PROKR1: variants seen among roughly 807,000 people sequenced by gnomAD.
PROKR1 encodes prokineticin receptor 1.
Under a neutral mutation model 22.8 loss-of-function variants are expected in PROKR1, and 21 were observed. That is an observed-to-expected ratio of 0.92 (90% CI 0.65 to 1.32). The LOEUF is 1.32. PROKR1 is among the 40% of genes most tolerant of loss of function. The pLI is 0.00. For missense variants in PROKR1, 548 were observed against 514.2 expected (o/e 1.07, Z -0.64); for synonymous variants, 193 against 207.5 (o/e 0.93, Z 0.60).
At chr2:68,645,465 C>T (rs552143774) in intron 1 of PROKR1, among the ~76,000 whole-genome samples, 197 bp from the exon 2 acceptor site, 1 of 152,338 alleles carries the variant, frequency 6.6e-6, no homozygotes, top group South Asian at 2.1e-4. Flanking sequence ...GCTTGATTGT[C>T]TCTATAGCAA....
chr2:68,653,304 T>C (rs4627609), intron 2 of PROKR1, among the ~76,000 whole-genome samples: 68,818 of 151,976 alleles, frequency 0.45, 17,052 homozygotes, highest in African/African-American at 0.67. Flanking sequence ...CATCCTACTT[T>C]ATTTAACATC....
chr2:68,647,637 G>A (rs1182463370), intron 2 of PROKR1, among the ~76,000 whole-genome samples: 1 of 152,074 alleles, frequency 6.6e-6, no homozygotes, highest in Non-Finnish European at 1.5e-5. Context: ...AAAAAAGGGG[G>A]TTACCAAGGA....
intron 2 of PROKR1, among the ~76,000 whole-genome samples, chr2:68,651,887 C>G (rs1212769163): frequency 1.3e-5 from 2 of 152,196 alleles, no homozygotes; most frequent in Admixed American, 6.5e-5. Context: ...ACTGTAGTGG[C>G]AGACACACAG....
chr2:68,644,360 C>T (rs1479713791), intron 1 of PROKR1, among the ~76,000 whole-genome samples: 2 of 152,186 alleles, frequency 1.3e-5, no homozygotes, highest in South Asian at 2.1e-4. Flanking sequence ...GCCTGCCCCC[C>T]TCCTTCTTTT....
chr2:68,646,487 A>G (rs1001920466), intron 2 of PROKR1, among the ~76,000 whole-genome samples, 181 bp downstream of exon 2: 2 of 152,214 alleles, frequency 1.3e-5, no homozygotes, highest in African/African-American at 4.8e-5. Context: ...CTCCTTTTCC[A>G]GCTTTGTTCA....
In PROKR1 at chr2:68,645,660, A is replaced by T; in HGVS notation, c.-160-2A>T. 1.0e-6 allele frequency: 1 copy of T among 1,001,224 alleles called. No individual in the cohort carries two copies. Among genetic ancestry groups the T allele is most frequent in the Non-Finnish European group, 1.5e-6 (1 of 678,342 alleles). The allele number at this position is 1,001,224 out of a possible 1,614,324, so 62.0% of individuals were successfully genotyped here. On this transcript the variant is annotated splice_acceptor_variant, in intron 1 of 2. Coordinates refer to ENST00000303786, the MANE Select transcript of PROKR1 (RefSeq NM_138964.4). LOFTEE classifies it low-confidence loss of function (5UTR_SPLICE). Reference sequence around the variant, plus strand: ...AGCCAACTGTTTGTATGTCTTTCAAAGGTTTAGAATGGAGCTCAGATACCA... The same window carrying T: ...AGCCAACTGTTTGTATGTCTTTCAATGGTTTAGAATGGAGCTCAGATACCA...
At chr2:68,652,821 A>C (rs1673362884) in intron 2 of PROKR1, among the ~76,000 whole-genome samples, 1 of 152,204 alleles carries the variant, frequency 6.6e-6, no homozygotes, top group East Asian at 1.9e-4. Context: ...AGATTCATAG[A>C]GCAACTTTCT....
Position 68,654,967 on chromosome 2 carries a change from C to A in PROKR1, c.573C>A (p.Ile191=), listed in dbSNP as rs149727540. 2 of 1,613,550 alleles carry A rather than the reference C, an allele frequency of 1.2e-6. No individual in the cohort carries two copies. The highest frequency in any genetic ancestry group is 1.7e-6 in the Non-Finnish European group (2 of 1,179,988). ...GLIALVWTVS[I]LIAIPSAYFT... ...TTGCCTTGGTGTGGACGGTGTCCAT[C>A]CTGATCGCCATCCCTTCCGCCTACT... Residue 191 remains isoleucine, a synonymous_variant, in exon 3 of 3, where the codon ATC becomes ATA. Transcript: ENST00000303786.
At position 68,655,217 on chromosome 2, in the gene PROKR1, A is replaced by T; in HGVS notation, c.823A>T (p.Arg275Trp). 1.9e-6 allele frequency: 3 copies of T among 1,614,228 alleles called. No homozygotes were observed. Among genetic ancestry groups the T allele is most frequent in the Non-Finnish European group, 2.5e-6 (3 of 1,180,042 alleles). Residue 275 changes from arginine (R) to tryptophan (W), a missense_variant, in exon 3 of 3, where the codon AGG becomes TGG. Arg to Trp is a moderately radical substitution (Grantham distance 101, BLOSUM62 -3). Transcript: ENST00000303786. ...PGFQTEQIRK[R>W]LRCRRKTVLV... Reference sequence around the variant, plus strand: ...ATTCCAGACAGAGCAGATCCGCAAGAGGCTGCGCTGCCGCAGGAAGACGGT... The same window carrying T: ...ATTCCAGACAGAGCAGATCCGCAAGTGGCTGCGCTGCCGCAGGAAGACGGT...
chr2:68,655,792 G>T lies in PROKR1; in HGVS notation c.*216G>T. On this transcript the variant is annotated 3_prime_UTR_variant, in exon 3 of 3. Coordinates refer to ENST00000303786, the MANE Select transcript of PROKR1 (RefSeq NM_138964.4). ...CATTTGCTGAATGTCTAATTTACAC[G>T]CCAGTAGGTACTGGTAAAACCTATA... 2 of 599,144 alleles carry T rather than the reference G, an allele frequency of 3.3e-6. No homozygotes were observed. Among genetic ancestry groups the T allele is most frequent in the East Asian group, 2.8e-5 (1 of 35,200 alleles). 37.1% of individuals were successfully genotyped at this position (599,144 alleles called of 1,614,324 possible). A position where few individuals can be genotyped will look rare whatever the true frequency, so the allele number is the denominator to read the frequency against.
intron 1 of PROKR1, among the ~76,000 whole-genome samples, chr2:68,644,969 C>T (rs753340918): frequency 5.3e-5 from 8 of 152,242 alleles, no homozygotes; most frequent in Non-Finnish European, 7.3e-5. Context: ...GGGTGTAACA[C>T]TCTCCTCCAG....
chr2:68,646,303 ACAGGTGAGTGCAGCAG>A lies in PROKR1; in HGVS notation c.485+1_485+16del. On this transcript the variant is annotated splice_donor_variant and splice_donor_5th_base_variant and coding_sequence_variant and intron_variant, in exon 2 of 3. Coordinates refer to ENST00000303786, the MANE Select transcript of PROKR1 (RefSeq NM_138964.4). LOFTEE classifies it high-confidence loss of function. ...AATGCCCTGCTGGCCATCGCCATTG[ACAGGTGAGTGCAGCAG>A]CAGTGGGGACAACAAAGGCGGTCAG... 6.2e-7 allele frequency: 1 copy of A among 1,614,204 alleles called. No individual in the cohort carries two copies. Among genetic ancestry groups the A allele is most frequent in the Non-Finnish European group, 8.5e-7 (1 of 1,180,042 alleles).
intron 2 of PROKR1, 129 bp downstream of exon 2, chr2:68,646,435 G>A (rs1194849448): frequency 1.4e-6 from 2 of 1,379,784 alleles, no homozygotes; most frequent in Non-Finnish European, 2.0e-6. Context: ...GGTTGCATGG[G>A]GGACTCAAAA....
rs1341090925 is a variant in PROKR1, at chr2:68,657,783, T to C, written c.*2207T>C. ...AAGTTTATTTTGTATAGTTACTTTA[T>C]TTCCCTGAAAGACACATTACAAAAA... is the stretch of plus-strand genomic sequence containing the variant. On this transcript the variant is annotated 3_prime_UTR_variant, in exon 3 of 3. Transcript: ENST00000303786. 6.6e-6 allele frequency: 1 copy of C among 152,220 alleles called. No individual in the cohort carries two copies. Among genetic ancestry groups the C allele is most frequent in the Non-Finnish European group, 1.5e-5 (1 of 68,036 alleles). The allele number at this position is 152,220 out of a possible 1,614,324, so 9.4% of individuals were successfully genotyped here. A position where few individuals can be genotyped will look rare whatever the true frequency, so the allele number is the denominator to read the frequency against.
chr2:68,647,029 CAGAG>C (rs1281288849), intron 2 of PROKR1, among the ~76,000 whole-genome samples: 8 of 151,812 alleles, frequency 5.3e-5, no homozygotes, highest in Non-Finnish European at 1.2e-4. Context: ...GCCTGGGTGA[CAGAG>C]GGAGACCTTG....
At chr2:68,653,899 A>G (rs1415509867) in intron 2 of PROKR1, among the ~76,000 whole-genome samples, 2 of 152,160 alleles carry the variant, frequency 1.3e-5, no homozygotes, top group African/African-American at 4.8e-5. Context: ...TTAGAAAAAA[A>G]AATACATTCA....
intron 2 of PROKR1, among the ~76,000 whole-genome samples, chr2:68,648,632 G>T (rs1309440932): frequency 2.0e-5 from 3 of 152,110 alleles, no homozygotes; most frequent in Non-Finnish European, 4.4e-5. Context: ...ATTTGTATGT[G>T]TTGTTACCAT....
At position 68,655,550 on chromosome 2, in the gene PROKR1, G is replaced by A; in HGVS notation, c.1156G>A (p.Glu386Lys). 1 of 1,614,192 alleles carries A rather than the reference G, an allele frequency of 6.2e-7. No individual in the cohort carries two copies. The highest frequency in any genetic ancestry group is 1.1e-5 in the South Asian group (1 of 91,076). ...LKTIGMPATE[E>K]VDCIRLK Reference sequence around the variant, plus strand: ...GACAATTGGGATGCCTGCCACCGAAGAGGTGGACTGCATCAGACTAAAATA... The same window carrying A: ...GACAATTGGGATGCCTGCCACCGAAAAGGTGGACTGCATCAGACTAAAATA... The change falls in exon 3 of 3, where the codon GAG (glutamate) becomes AAG (lysine). Residue 386 changes from glutamate to lysine, a missense_variant. Coordinates refer to ENST00000303786, the MANE Select transcript of PROKR1 (RefSeq NM_138964.4).
At chr2:68,648,189 C>T (rs1167495465) in intron 2 of PROKR1, among the ~76,000 whole-genome samples, 2 of 151,990 alleles carry the variant, frequency 1.3e-5, no homozygotes, top group South Asian at 2.1e-4. Context: ...ACCACTTGAA[C>T]GGAGTAACAA....
Sources: gnomAD v4.1 joint callset for allele counts (sites outside exome capture counted in the v4.1 genomes callset) on GRCh38, gnomAD v4.1.1 for gene constraint, MANE v1.5 for transcripts, NCBI Gene and HGNC (gene_info 2026-07-23, HGNC 2026-07-21) for gene names.